Variants in PLD5 observed in about 807,000 individuals in gnomAD.
The protein encoded by PLD5 is phospholipase D family member 5, also known as inactive phospholipase D5.
PLD5 carries 36 observed loss-of-function variants against 61.1 expected under a neutral mutation model. The ratio of observed to expected loss-of-function variants is 0.59; its 90% CI spans 0.45 to 0.78. PLD5 has a LOEUF of 0.78. Ranked by LOEUF, PLD5 falls within the 30% of genes least tolerant of loss-of-function variation. The probability of loss-of-function intolerance (pLI) is 0.00; values close to 1 mark genes in which losing one functional copy is unlikely to be tolerated. For missense variants in PLD5, 515 were observed against 644.4 expected (o/e 0.80, Z 2.17); for synonymous variants, 243 against 242.8 (o/e 1.00, Z -0.01).
rs140784804 is a variant in PLD5 at position 242,270,479 on chromosome 1, A to T, written c.496-5031T>A. On this transcript the variant is annotated intron_variant, in intron 3 of 9. Coordinates refer to ENST00000536534, the MANE Select transcript of PLD5 (RefSeq NM_001372062.1). The stretch of plus-strand genomic sequence containing the variant: ...TACATCTCTCTTCCTGATGCAACAC[A>T]GTTCTCCCTGAATGATCATTTTGTT... Among the ~76,000 whole-genome samples, 248 of 152,306 alleles carry T rather than the reference A, an allele frequency of 1.6e-3. 9 individuals carry two copies. In the East Asian group the frequency reaches 0.04, roughly 25 times the overall value.
chr1:242,165,576 TCTGA>T (rs371808616), intron 5 of PLD5, among the ~76,000 whole-genome samples: 3 of 152,214 alleles, frequency 2.0e-5, no homozygotes, highest in Non-Finnish European at 4.4e-5. Flanking sequence ...TAGATTCTAT[TCTGA>T]CTGATAGGTG....
intron 9 of PLD5, among the ~76,000 whole-genome samples, chr1:242,091,709 C>CTTTT (rs1028747230): frequency 4.6e-5 from 7 of 152,110 alleles, no homozygotes; most frequent in African/African-American, 1.7e-4. Flanking sequence ...CTTAGCTTAG[C>CTTTT]TTTTACATAG....
At chr1:242,257,099 TTCTA>T (rs1448431525) in intron 4 of PLD5, among the ~76,000 whole-genome samples, 3 of 150,500 alleles carry the variant, frequency 2.0e-5, no homozygotes, top group Non-Finnish European at 4.4e-5. Context: ...ATCTATATCT[TTCTA>T]TCTGTCATCT....
chr1:242,097,413 T>C (rs58696149), intron 9 of PLD5, among the ~76,000 whole-genome samples: 1 of 152,184 alleles, frequency 6.6e-6, no homozygotes, highest in African/African-American at 2.4e-5. Context: ...CAGCACCTGT[T>C]GTTTCCTGAC....
intron 1 of PLD5, among the ~76,000 whole-genome samples, chr1:242,466,506 C>T (rs1303510258): frequency 7.9e-5 from 12 of 152,146 alleles, no homozygotes. Context: ...AAATTCTTGT[C>T]ATTTGCAACA....
chr1:242,260,679 A>C (rs1673329061), intron 4 of PLD5, among the ~76,000 whole-genome samples: 1 of 152,252 alleles, frequency 6.6e-6, no homozygotes, highest in African/African-American at 2.4e-5. Flanking sequence ...ACTTTCTAAA[A>C]ATACCAAATG....
chr1:242,307,558 C>A (rs1409556176), intron 2 of PLD5, among the ~76,000 whole-genome samples: 13 of 152,260 alleles, frequency 8.5e-5, no homozygotes, highest in African/African-American at 3.1e-4. Flanking sequence ...GTAGCAGAAC[C>A]AGTTTTTAAA....
intron 2 of PLD5, among the ~76,000 whole-genome samples, chr1:242,322,211 T>A (rs1658461248): frequency 6.6e-6 from 1 of 152,132 alleles, no homozygotes; most frequent in African/African-American, 2.4e-5. Context: ...TACCATACAT[T>A]CTTGGTATAA....
chr1:242,375,663 AAAG>A (rs1276291415), intron 1 of PLD5, among the ~76,000 whole-genome samples: 5 of 152,218 alleles, frequency 3.3e-5, no homozygotes, highest in Non-Finnish European at 5.9e-5. Flanking sequence ...ATAAAATGCA[AAAG>A]AAAACACAAA....
At chr1:242,251,520 G>A (rs1264721058) in intron 4 of PLD5, among the ~76,000 whole-genome samples, 2 of 152,190 alleles carry the variant, frequency 1.3e-5, no homozygotes, top group Non-Finnish European at 2.9e-5. Context: ...AGTCCTCCGG[G>A]ACTTTGACAA....
intron 1 of PLD5, among the ~76,000 whole-genome samples, chr1:242,358,698 C>A (rs376434972): frequency 7.9e-5 from 12 of 152,048 alleles, no homozygotes; most frequent in African/African-American, 2.9e-4. Context: ...GCAGAAGGGA[C>A]CCTAAAGTTA....
At chr1:242,247,158 A>G (rs1672435833) in intron 4 of PLD5, among the ~76,000 whole-genome samples, 1 of 151,742 alleles carries the variant, frequency 6.6e-6, no homozygotes, top group Admixed American at 6.6e-5. Context: ...TAATTTTTGT[A>G]TTTTTAGTAG....
intron 1 of PLD5, among the ~76,000 whole-genome samples, chr1:242,371,796 T>G (rs549468345): frequency 6.6e-6 from 1 of 152,206 alleles, no homozygotes; most frequent in Non-Finnish European, 1.5e-5. Context: ...TCTTATAATA[T>G]AGAGTGACCT....
intron 5 of PLD5, among the ~76,000 whole-genome samples, chr1:242,192,779 C>T (rs1030574257): frequency 6.6e-6 from 1 of 151,452 alleles, no homozygotes. Context: ...GCAGACCACA[C>T]AATTGCAAGG....
At chr1:242,430,357 G>A (rs1016059117) in intron 1 of PLD5, among the ~76,000 whole-genome samples, 5 of 152,118 alleles carry the variant, frequency 3.3e-5, no homozygotes, top group South Asian at 2.1e-4. Flanking sequence ...TGAATCCATG[G>A]CAGAGAGAAA....
Position 242,396,428 on chromosome 1 carries a change from C to T in PLD5, c.190-48186G>A, listed in dbSNP as rs544478820. On this transcript the variant is annotated intron_variant, in intron 1 of 9. Coordinates refer to ENST00000536534, the MANE Select transcript of PLD5 (RefSeq NM_001372062.1). Reference sequence around the variant, plus strand: ...CCCCACTTTGCCCTCCAGCTACCATCTCATTTCTTTCCTTCCCTTCACAGT... The same window carrying T: ...CCCCACTTTGCCCTCCAGCTACCATTTCATTTCTTTCCTTCCCTTCACAGT... Among the ~76,000 whole-genome samples, 44 of 152,220 alleles carry T rather than the reference C, an allele frequency of 2.9e-4. No homozygotes were observed. In the South Asian group the frequency reaches 8.7e-3, roughly 30 times the overall value.
At chr1:242,407,584 C>T (rs896313493) in intron 1 of PLD5, among the ~76,000 whole-genome samples, 39 of 131,612 alleles carry the variant, frequency 3.0e-4, no homozygotes, top group East Asian at 2.7e-3. Flanking sequence ...TTTTTTGAGA[C>T]GGAGTTTTGC....
intron 4 of PLD5, among the ~76,000 whole-genome samples, chr1:242,226,712 A>G (rs571000988): frequency 1.3e-5 from 2 of 152,330 alleles, no homozygotes; most frequent in African/African-American, 4.8e-5. Flanking sequence ...GTTAAAAATC[A>G]GGAAACTCCA....
At chr1:242,383,473 G>A (rs371989706) in intron 1 of PLD5, among the ~76,000 whole-genome samples, 2 of 151,376 alleles carry the variant, frequency 1.3e-5, no homozygotes, top group South Asian at 4.2e-4. Context: ...AGGGGGAGTG[G>A]CAGCTTCTGC....
Sources: gnomAD v4.1 joint callset for allele counts (sites outside exome capture counted in the v4.1 genomes callset) on GRCh38, gnomAD v4.1.1 for gene constraint, MANE v1.5 for transcripts, NCBI Gene and HGNC (gene_info 2026-07-23, HGNC 2026-07-21) for gene names.